Variants in PRRC2B observed in about 807,000 individuals in gnomAD.
PRRC2B encodes the protein proline rich coiled-coil 2B.
Under a neutral mutation model 242.3 loss-of-function variants are expected in PRRC2B, and 68 were observed. The ratio of observed to expected loss-of-function variants is 0.28; its 90% CI spans 0.23 to 0.34. The LOEUF (loss-of-function observed/expected upper bound fraction) is 0.34, where lower values mean the gene tolerates loss of function less well. Among genes scored for constraint, PRRC2B ranks in the 10% least tolerant of loss-of-function variants. The probability of loss-of-function intolerance (pLI) is 1.00; values close to 1 mark genes in which losing one functional copy is unlikely to be tolerated. For synonymous variants in PRRC2B, 1,228 were observed against 1,173.6 expected (o/e 1.05, Z -0.95); for missense variants, 2,835 against 2,954.8 (o/e 0.96, Z 0.94).
Position 131,487,765 on chromosome 9 carries a change from T to G in PRRC2B, c.5985-91T>G. 1.3e-6 allele frequency: 2 copies of G among 1,508,800 alleles called. 1 individual carries two copies. Among genetic ancestry groups the G allele is most frequent in the South Asian group, 2.6e-5 (2 of 76,574 alleles). 93.5% of individuals were successfully genotyped at this position (1,508,800 alleles called of 1,614,324 possible). A position where few individuals can be genotyped will look rare whatever the true frequency, so the allele number is the denominator to read the frequency against. On this transcript the variant is annotated intron_variant, in intron 27 of 31. Transcript: ENST00000683519. This position sits in a 1 kb window ranked among gnomAD's most constrained non-coding sequence, Gnocchi z 5.3. ...GGGGTGGGGCCGGGGATCTGTGGTT[T>G]AGCAAGCTCTCCGGGGATCTCTGAA...
At chr9:131,447,977 A>C (rs2994065) in intron 9 of PRRC2B, 173 bp downstream of exon 9, 516,613 of 531,180 alleles carry the variant, frequency 0.97, 251,692 homozygotes, top group East Asian at 1. Context: ...CCCTGACTAG[A>C]GGTTCCTTCC....
At chr9:131,375,413 A>T (rs946618132) in intron 1 of PRRC2B, among the ~76,000 whole-genome samples, 1 of 152,120 alleles carries the variant, frequency 6.6e-6, no homozygotes, top group Non-Finnish European at 1.5e-5. Context: ...AAAATAAAAA[A>T]AATAAAAAAA....
At chr9:131,427,361 T>A (rs1053315605) in intron 1 of PRRC2B, among the ~76,000 whole-genome samples, 1 of 152,002 alleles carries the variant, frequency 6.6e-6, no homozygotes, top group Non-Finnish European at 1.5e-5. Flanking sequence ...GATGGAGTCT[T>A]GCTCTGTTGC....
chr9:131,464,764 A>G lies in PRRC2B; in HGVS notation c.1406A>G (p.Lys469Arg). Reference sequence around the variant, plus strand: ...ATCTCAGAGACATTCTCTTGGCAGAAGTCATCAATGGGCAGCATGTTCCGG... The same window carrying G: ...ATCTCAGAGACATTCTCTTGGCAGAGGTCATCAATGGGCAGCATGTTCCGG... ...HGWAPGPDYQKSSMGSMFRQQ... is the reference protein window; with the variant it reads ...HGWAPGPDYQRSSMGSMFRQQ... The change falls in exon 12 of 32, where the codon AAG (lysine) becomes AGG (arginine). Residue 469 changes from lysine (K) to arginine (R), a missense_variant and splice_region_variant. Transcript: ENST00000683519. 6.3e-7 allele frequency: 1 copy of G among 1,582,980 alleles called. No homozygotes were observed. Among genetic ancestry groups the G allele is most frequent in the Non-Finnish European group, 8.6e-7 (1 of 1,161,334 alleles).
Position 131,494,168 on chromosome 9 carries a change from G to A in PRRC2B, c.6474-237G>A, listed in dbSNP as rs1323715743. Among the ~76,000 whole-genome samples the A allele has an allele frequency of 6.6e-6, 1 of 152,062 alleles. No homozygotes were observed. The highest frequency in any genetic ancestry group is 1.5e-5 in the Non-Finnish European group (1 of 68,000). On this transcript the variant is annotated intron_variant, in intron 30 of 31. Transcript: ENST00000683519. This position sits in a 1 kb window ranked among gnomAD's most constrained non-coding sequence, Gnocchi z 4.3. Reference sequence around the variant, plus strand: ...TCCCTCTCTTGCGGTGCGTCTCCTTGAGCTCTGTCCTGGAGGTGCCAGGGT... The same window carrying A: ...TCCCTCTCTTGCGGTGCGTCTCCTTAAGCTCTGTCCTGGAGGTGCCAGGGT...
chr9:131,385,971 G>GGGATTAC (rs1836821859), intron 1 of PRRC2B, among the ~76,000 whole-genome samples: 1 of 150,498 alleles, frequency 6.6e-6, no homozygotes, highest in Admixed American at 6.9e-5. Flanking sequence ...GGGATTACAG[G>GGGATTAC]CGTGAACCAC....
chr9:131,434,329 C>A (rs1484151990), intron 3 of PRRC2B, among the ~76,000 whole-genome samples: 4 of 152,258 alleles, frequency 2.6e-5, no homozygotes. Flanking sequence ...AAGCATTACT[C>A]CCTCCTGTTA....
rs569533573 is a variant in PRRC2B at position 131,402,039 on chromosome 9, C to T, written c.-52+7776C>T. 1.8e-4 allele frequency among the ~76,000 whole-genome samples: 28 copies of T among 151,960 alleles called. No individual in the cohort carries two copies. In the East Asian group the frequency reaches 4.9e-3, roughly 26 times the overall value. On this transcript the variant is annotated intron_variant, in intron 1 of 31. Transcript: ENST00000683519. ...AGGCTGGAGTGCAATGGCACGATCT[C>T]GGCTCACTGCACCTCTACCTCCCGG...
At chr9:131,391,635 A>G (rs67401159), upstream of PRRC2B, among the ~76,000 whole-genome samples, 17,386 of 152,096 alleles carry the variant, frequency 0.11, 1,215 homozygotes, top group African/African-American at 0.19. Flanking sequence ...TGTCTGTTTT[A>G]TGGGTATGTC....
At chr9:131,392,828 G>A (rs979332520), upstream of PRRC2B, among the ~76,000 whole-genome samples, 1 of 151,452 alleles carries the variant, frequency 6.6e-6, no homozygotes, top group Non-Finnish European at 1.5e-5. Context: ...CAGGAGAATC[G>A]CTTGAATCTA....
At chr9:131,466,219 G>T (rs1411153353) in intron 12 of PRRC2B, among the ~76,000 whole-genome samples, 1 of 152,192 alleles carries the variant, frequency 6.6e-6, no homozygotes. Flanking sequence ...TGCCCTTCTG[G>T]CCAGGGAACT....
At chr9:131,418,017 T>A (rs1837704847) in intron 1 of PRRC2B, among the ~76,000 whole-genome samples, 1 of 152,196 alleles carries the variant, frequency 6.6e-6, no homozygotes, top group Non-Finnish European at 1.5e-5. Flanking sequence ...CTTACACATA[T>A]GGAGGGTGAA....
chr9:131,386,644 T>A (rs1588233902), intron 1 of PRRC2B, among the ~76,000 whole-genome samples: 1 of 149,908 alleles, frequency 6.7e-6, no homozygotes. Flanking sequence ...AGTCCCAGGG[T>A]CCCTTCTGTT....
At chr9:131,448,120 C>G (rs1217606672) in intron 9 of PRRC2B, 1 of 234,382 alleles carries the variant, frequency 4.3e-6, no homozygotes, top group African/African-American at 2.2e-5. Flanking sequence ...CACTCAGGTT[C>G]AATAAGTACC....
In PRRC2B at chr9:131,450,314, C is replaced by A. The variant is rs1465562655; in HGVS notation, c.1120+2510C>A. Reference sequence around the variant, plus strand: ...ACAGAGTCTTGCTCTATTGCCCAGGCTGGAGTTCAGTGGCATGATCTCGAC... The same window carrying A: ...ACAGAGTCTTGCTCTATTGCCCAGGATGGAGTTCAGTGGCATGATCTCGAC... On this transcript the variant is annotated intron_variant, in intron 9 of 31. Coordinates refer to ENST00000683519, the MANE Select transcript of PRRC2B (RefSeq NM_013318.4). Among the ~76,000 whole-genome samples the A allele has an allele frequency of 2.0e-5, 3 of 151,000 alleles. No homozygotes were observed. The East Asian group carries it at 5.8e-4, about 29-fold the overall frequency.
At chr9:131,483,699 G>C (rs1048742945) in intron 23 of PRRC2B, among the ~76,000 whole-genome samples, 13 of 152,208 alleles carry the variant, frequency 8.5e-5, no homozygotes, top group African/African-American at 3.1e-4. Flanking sequence ...CCAGGTGCGA[G>C]CCCAGACTCA....
At chr9:131,462,836 TAAAA>T (rs553444971) in intron 11 of PRRC2B, among the ~76,000 whole-genome samples, 7 of 81,940 alleles carry the variant, frequency 8.5e-5, no homozygotes, top group Admixed American at 1.6e-4. Context: ...AGACTCCGTC[TAAAA>T]AAAAAAAAAA....
chr9:131,383,682 C>T (rs1037109723), intron 1 of PRRC2B, among the ~76,000 whole-genome samples: 2 of 144,990 alleles, frequency 1.4e-5, no homozygotes, highest in African/African-American at 5.1e-5. Flanking sequence ...AGTGCAGCGG[C>T]TCGATCTCGG....
At chr9:131,388,169 C>T (rs1339390146) in intron 1 of PRRC2B, among the ~76,000 whole-genome samples, 1 of 134,216 alleles carries the variant, frequency 7.5e-6, no homozygotes, top group Non-Finnish European at 1.6e-5. Flanking sequence ...GCCTGGGCAA[C>T]AGAGCGAGAC....
Sources: allele counts gnomAD v4.1 joint callset (sites outside exome capture counted in the v4.1 genomes callset), GRCh38; gene constraint gnomAD v4.1.1; non-coding constraint Gnocchi (gnomAD v3.1); transcripts MANE v1.5; gene names NCBI Gene and HGNC (gene_info 2026-07-23, HGNC 2026-07-21).